The following ABTB3 variants were observed in gnomAD, a reference collection of about 807,000 sequenced individuals.
The protein encoded by ABTB3 is ankyrin repeat and BTB domain containing 3.
chr12:107,628,985 G>A, the ABTB3 span, among the ~76,000 whole-genome samples: 1 of 152,172 alleles, frequency 6.6e-6, no homozygotes. Flanking sequence ...AGTAATCCTA[G>A]TGCTCCTTTC....
the ABTB3 span, among the ~76,000 whole-genome samples, chr12:107,627,524 T>C: frequency 6.6e-6 from 1 of 152,226 alleles, no homozygotes; most frequent in African/African-American, 2.4e-5. Context: ...ACCCATGCTC[T>C]TAACTGTGAG....
the ABTB3 span, among the ~76,000 whole-genome samples, chr12:107,583,345 A>G: frequency 6.6e-6 from 1 of 152,220 alleles, no homozygotes; most frequent in Non-Finnish European, 1.5e-5. Context: ...CTTTCTCATA[A>G]CAGCCTCAAA....
chr12:107,601,699 C>G, the ABTB3 span, among the ~76,000 whole-genome samples: 1 of 152,186 alleles, frequency 6.6e-6, no homozygotes, highest in African/African-American at 2.4e-5. Context: ...AGTTGATTAA[C>G]CCCTCTGTGC....
the ABTB3 span, among the ~76,000 whole-genome samples, chr12:107,548,318 G>C: frequency 3.3e-5 from 5 of 152,288 alleles, no homozygotes; most frequent in African/African-American, 9.6e-5. Flanking sequence ...CAAGAACAGG[G>C]GCTGAATATT....
the ABTB3 span, among the ~76,000 whole-genome samples, chr12:107,323,434 G>C: frequency 6.6e-6 from 1 of 152,192 alleles, no homozygotes; most frequent in East Asian, 1.9e-4. Context: ...GAAGGCTTAG[G>C]GGCTCTCGAA....
chr12:107,649,340 G>C, the ABTB3 span: 1 of 1,439,914 alleles, frequency 6.9e-7, no homozygotes, highest in African/African-American at 1.4e-5. Context: ...CTGTAAACTC[G>C]GGTCACCAGC....
chr12:107,503,493 G>A, the ABTB3 span, among the ~76,000 whole-genome samples: 3 of 152,066 alleles, frequency 2.0e-5, no homozygotes, highest in East Asian at 1.9e-4. Context: ...AAGGCCAGTC[G>A]AGGTGGCTCA....
At chr12:107,515,767 C>T in the ABTB3 span, among the ~76,000 whole-genome samples, 1,524 of 152,192 alleles carry the variant, frequency 0.01, 14 homozygotes, top group Middle Eastern at 0.041. Context: ...GTCTTTTCTT[C>T]CCTGAAAGCT....
the ABTB3 span, among the ~76,000 whole-genome samples, chr12:107,400,587 T>C: frequency 6.6e-6 from 1 of 152,308 alleles, no homozygotes; most frequent in Non-Finnish European, 1.5e-5. Flanking sequence ...ATGGGAATTG[T>C]AATAGGATCT....
chr12:107,571,778 C>T, the ABTB3 span, among the ~76,000 whole-genome samples: 1 of 152,336 alleles, frequency 6.6e-6, no homozygotes, highest in East Asian at 1.9e-4. Flanking sequence ...CTTCCTTAAC[C>T]AGGCTGGTCT....
the ABTB3 span, among the ~76,000 whole-genome samples, chr12:107,524,839 G>C: frequency 1.3e-5 from 2 of 152,150 alleles, no homozygotes; most frequent in African/African-American, 4.8e-5. Context: ...GTGTCAGTTG[G>C]GTCTGCATTC....
chr12:107,508,795 C>T, the ABTB3 span, among the ~76,000 whole-genome samples: 1 of 152,300 alleles, frequency 6.6e-6, no homozygotes, highest in Admixed American at 6.5e-5. Context: ...CTGTCAGTTA[C>T]ACTCCATGGC....
At chr12:107,659,629 T>A in the ABTB3 span, 19 of 152,336 alleles carry the variant, frequency 1.2e-4, no homozygotes, top group East Asian at 3.3e-3. Flanking sequence ...TTAAAAGAAA[T>A]GATTTTCCCA....
chr12:107,325,388 C>T, the ABTB3 span, among the ~76,000 whole-genome samples: 1 of 152,182 alleles, frequency 6.6e-6, no homozygotes, highest in African/African-American at 2.4e-5. Flanking sequence ...ACAACAAATG[C>T]TATCTCAAGA....
the ABTB3 span, among the ~76,000 whole-genome samples, chr12:107,321,134 AACTTTGTT>A: frequency 6.6e-6 from 1 of 152,170 alleles, no homozygotes; most frequent in Non-Finnish European, 1.5e-5. Flanking sequence ...GGCGAAATAA[AACTTTGTT>A]ACATATTCGG....
At chr12:107,618,495 C>T in the ABTB3 span, 1 of 843,624 alleles carries the variant, frequency 1.2e-6, no homozygotes, top group Non-Finnish European at 1.8e-6. Flanking sequence ...CATGCACACA[C>T]ACGTGCACAC....
At chr12:107,533,320 G>A in the ABTB3 span, among the ~76,000 whole-genome samples, 1 of 152,060 alleles carries the variant, frequency 6.6e-6, no homozygotes, top group Non-Finnish European at 1.5e-5. Flanking sequence ...CAATTAAAAG[G>A]TATAGACTGG....
the ABTB3 span, among the ~76,000 whole-genome samples, chr12:107,566,648 T>TACACACACACACAC: frequency 5.0e-3 from 681 of 136,438 alleles, 5 homozygotes; most frequent in East Asian, 0.015. Context: ...CTAATTTAAA[T>TACACACACACACAC]ACACACACAC....
At chr12:107,633,829 G>A in the ABTB3 span, among the ~76,000 whole-genome samples, 1 of 152,188 alleles carries the variant, frequency 6.6e-6, no homozygotes. Flanking sequence ...TTGTTAATAC[G>A]CAGATGCCTG....
Sources: gnomAD v4.1 joint callset for allele counts (sites outside exome capture counted in the v4.1 genomes callset) on GRCh38, gnomAD v4.1.1 for gene constraint, MANE v1.5 for transcripts, NCBI Gene and HGNC (gene_info 2026-07-23, HGNC 2026-07-21) for gene names.